JMJD6: variants seen among roughly 807,000 people sequenced by gnomAD.
JMJD6 encodes bifunctional arginine demethylase and lysyl-hydroxylase JMJD6.
A neutral mutation model predicts 45.8 loss-of-function variants in JMJD6; 17 were observed. That is an observed-to-expected ratio of 0.37 (90% CI 0.25 to 0.56). The LOEUF (loss-of-function observed/expected upper bound fraction) is 0.56. Among genes scored for constraint, JMJD6 ranks in the 20% least tolerant of loss-of-function variants. The probability of loss-of-function intolerance (pLI) is 0.79; values close to 1 mark genes in which losing one functional copy is unlikely to be tolerated. For synonymous variants in JMJD6, 221 were observed against 196.3 expected (o/e 1.13, Z -1.05); for missense variants, 470 against 517.5 (o/e 0.91, Z 0.89).
At chr17:76,720,137 C>T (rs2076804757) in intron 5 of JMJD6, among the ~76,000 whole-genome samples, 1 of 152,208 alleles carries the variant, frequency 6.6e-6, no homozygotes, top group South Asian at 2.1e-4. Flanking sequence ...AAGAGCGAAA[C>T]TCAGTCTCCA....
rs1176136128 is a variant in JMJD6 at position 76,723,627 on chromosome 17, G to A, written c.805+145C>T. 54 of 748,040 alleles carry A rather than the reference G, an allele frequency of 7.2e-5. 1 individual carries two copies. The Admixed American group carries it at 1.3e-3, about 17-fold the overall frequency. The allele number at this position is 748,040 out of a possible 1,614,324, so 46.3% of individuals were successfully genotyped here. A position where few individuals can be genotyped will look rare whatever the true frequency, so the allele number is the denominator to read the frequency against. ...GGCTAATTTTTTTGTATTTTTAGTAGAGACGGGGTTTCACCGTGTTAGCAA... is the reference window on the plus strand; with the variant it reads ...GGCTAATTTTTTTGTATTTTTAGTAAAGACGGGGTTTCACCGTGTTAGCAA... On this transcript the variant is annotated intron_variant, in intron 3 of 5. Transcript: ENST00000397625.
chr17:76,717,453 A>G (rs551299799), downstream of JMJD6, among the ~76,000 whole-genome samples: 11 of 152,316 alleles, frequency 7.2e-5, no homozygotes, highest in South Asian at 2.3e-3. Flanking sequence ...AGAGTGAACA[A>G]ATTCCATTAT....
chr17:76,726,383 G>A lies in JMJD6; in HGVS notation c.93C>T (p.Tyr31=). 2 of 1,603,678 alleles carry A rather than the reference G, an allele frequency of 1.2e-6. No individual in the cohort carries two copies. Among genetic ancestry groups the A allele is most frequent in the Non-Finnish European group, 1.7e-6 (2 of 1,176,178 alleles). Residue 31 remains tyrosine (Y), a synonymous_variant, in exon 1 of 6, where the codon TAC becomes TAT. Transcript: ENST00000397625. ...KDSLDWTRHN[Y]YESFSLSPAA... is the part of the protein sequence containing the mutation. ...CCGGGCTCAGCGAGAAGCTCTCGTA[G>A]TAGTTGTGCCGGGTCCAATCCAGCG... is the stretch of plus-strand genomic sequence containing the variant.
intron 4 of JMJD6, 142 bp downstream of exon 4, chr17:76,721,656 T>C (rs2076826065): frequency 1.1e-6 from 1 of 903,628 alleles, no homozygotes; most frequent in Non-Finnish European, 1.7e-6. Context: ...GGCCCCTCTC[T>C]CCTCTACCCA....
chr17:76,720,513 GTGT>G lies in JMJD6; in HGVS notation c.942-18_942-16del, dbSNP rs1567998446. On this transcript the variant is annotated splice_polypyrimidine_tract_variant and intron_variant, in intron 4 of 5. Coordinates refer to ENST00000397625, the MANE Select transcript of JMJD6 (RefSeq NM_015167.3). ...GCTTCAAAATCCTGAGAGGCAAGAAGTGTTGTTCTCAGTGCACTGACAGCCATA... is the reference window on the plus strand; with the variant it reads ...GCTTCAAAATCCTGAGAGGCAAGAAGTGTTCTCAGTGCACTGACAGCCATA... 6.2e-7 allele frequency: 1 copy of G among 1,613,570 alleles called. No homozygotes were observed. The highest frequency in any genetic ancestry group is 2.2e-5 in the East Asian group (1 of 44,880).
downstream of JMJD6, chr17:76,713,567 A>C (rs538161855): frequency 6.6e-6 from 1 of 152,320 alleles, no homozygotes; most frequent in East Asian, 1.9e-4. Flanking sequence ...ACACACATCA[A>C]AAACAACTTA....
intron 3 of JMJD6, among the ~76,000 whole-genome samples, chr17:76,722,730 C>T (rs182155098): frequency 4.7e-5 from 7 of 149,542 alleles, no homozygotes; most frequent in Non-Finnish European, 1.0e-4. Flanking sequence ...CCTGTATTCC[C>T]AGCTACTTGG....
At chr17:76,715,601 T>C (rs1288975195), downstream of JMJD6, 1 of 152,240 alleles carries the variant, frequency 6.6e-6, no homozygotes, top group East Asian at 1.9e-4. Flanking sequence ...TCCCTGCCTG[T>C]GAACACTGCA....
chr17:76,726,312 T>C lies in JMJD6; in HGVS notation c.129+35A>G, dbSNP rs2143759080. ...GGTGCGTAGCGGCTGGAGGTGCCGA[T>C]GCCCGGCCTGGCCACCCCCGCCCGA... is the stretch of plus-strand genomic sequence containing the variant. On this transcript the variant is annotated intron_variant, in intron 1 of 5. Coordinates refer to ENST00000397625, the MANE Select transcript of JMJD6 (RefSeq NM_015167.3). The C allele has an allele frequency of 2.6e-6, 4 of 1,533,786 alleles. No homozygotes were observed. In the South Asian group the frequency reaches 4.8e-5, roughly 18 times the overall value.
chr17:76,723,625 T>C (rs187223003), intron 3 of JMJD6, 147 bp downstream of exon 3: 133 of 736,916 alleles, frequency 1.8e-4, no homozygotes, highest in Admixed American at 1.5e-3. Flanking sequence ...GTATTTTTAG[T>C]AGAGACGGGG....
At chr17:76,717,248 A>G (rs887252166), downstream of JMJD6, among the ~76,000 whole-genome samples, 5 of 152,176 alleles carry the variant, frequency 3.3e-5, no homozygotes, top group Non-Finnish European at 7.3e-5. Context: ...GGGTATCACT[A>G]TATTCTCCAA....
At chr17:76,718,911 T>C in intron 5 of JMJD6, 51 bp from the exon 6 acceptor site, 1 of 1,581,772 alleles carries the variant, frequency 6.3e-7, no homozygotes, top group Non-Finnish European at 8.6e-7. Flanking sequence ...GCAACCCACT[T>C]CTTCATTAAA....
At chr17:76,719,819 G>A (rs985809524) in intron 5 of JMJD6, among the ~76,000 whole-genome samples, 9 of 152,126 alleles carry the variant, frequency 5.9e-5, no homozygotes, top group African/African-American at 1.4e-4. Context: ...CTGATACCTC[G>A]AGGCTATTTT....
In JMJD6 at chr17:76,725,421, A is replaced by AG. The variant is rs539467076; in HGVS notation, c.518+45_518+46insC. 2.5e-3 allele frequency: 3,738 copies of AG among 1,492,732 alleles called. 5 individuals are homozygous for AG. Among genetic ancestry groups the AG allele is most frequent in the Non-Finnish European group, 2.9e-3 (3,302 of 1,121,738 alleles). The allele number at this position is 1,492,732 out of a possible 1,614,324, so 92.5% of individuals were successfully genotyped here. On this transcript the variant is annotated intron_variant, in intron 2 of 5. Transcript: ENST00000397625. ...CGCTCTGTCTCAAAAAAAAAAAAAA[A>AG]AAAAAAAGAAAAGGATTTTAACCAC...
chr17:76,723,508 T>C (rs534845770), intron 3 of JMJD6, among the ~76,000 whole-genome samples: 1 of 151,602 alleles, frequency 6.6e-6, no homozygotes, highest in South Asian at 2.1e-4. Context: ...TGGCACGATC[T>C]AGACTCACTG....
chr17:76,718,915 C>T, intron 5 of JMJD6, 55 bp from the exon 6 acceptor site: 1 of 1,570,990 alleles, frequency 6.4e-7, no homozygotes, highest in Non-Finnish European at 8.7e-7. Context: ...CCCACTTCTT[C>T]ATTAAACAAA....
At chr17:76,721,127 C>T (rs1048758043) in intron 4 of JMJD6, 2 of 212,784 alleles carry the variant, frequency 9.4e-6, no homozygotes, top group African/African-American at 4.5e-5. Context: ...GACCAAATCA[C>T]AGCACGCAGT....
chr17:76,718,780 G>A lies in JMJD6; in HGVS notation c.1161C>T (p.Asp387=), dbSNP rs2076788456. 1.2e-6 allele frequency: 2 copies of A among 1,614,218 alleles called. No individual in the cohort carries two copies. The highest frequency in any genetic ancestry group is 1.1e-5 in the South Asian group (1 of 91,088). ...RRTCSMVGNG[D]TTSQDDCVSK... ...TGACACAGTCGTCCTGGGAGGTGGT[G>A]TCCCCGTTTCCCACCATGCTGCACG... Residue 387 remains aspartate, a synonymous_variant, in exon 6 of 6, where the codon GAC becomes GAT. Coordinates refer to ENST00000397625, the MANE Select transcript of JMJD6 (RefSeq NM_015167.3).
At chr17:76,726,188 G>T (rs1339858926) in intron 1 of JMJD6, among the ~76,000 whole-genome samples, 159 bp downstream of exon 1, 1 of 152,248 alleles carries the variant, frequency 6.6e-6, no homozygotes, top group Non-Finnish European at 1.5e-5. Context: ...GACCCGCCCC[G>T]GAATCCGCGC....
Sources: allele counts gnomAD v4.1 joint callset (sites outside exome capture counted in the v4.1 genomes callset), GRCh38; gene constraint gnomAD v4.1.1; transcripts MANE v1.5; gene names NCBI Gene and HGNC (gene_info 2026-07-23, HGNC 2026-07-21).